EFNA5: variants seen among roughly 807,000 people sequenced by gnomAD.
The protein encoded by EFNA5 is ephrin A5.
EFNA5 carries 5 observed loss-of-function variants against 22.9 expected under a neutral mutation model. The ratio of observed to expected loss-of-function variants is 0.22; its 90% CI spans 0.11 to 0.46. The LOEUF (loss-of-function observed/expected upper bound fraction) is 0.46, where lower values mean the gene tolerates loss of function less well. EFNA5 is among the 20% of genes least tolerant of loss of function. The pLI, the probability that EFNA5 is intolerant of heterozygous loss-of-function variation, is 0.99. For synonymous variants in EFNA5, 113 were observed against 112.2 expected, an observed-to-expected ratio of 1.01 and a Z score of -0.04; for missense variants, 237 against 293.3, an observed-to-expected ratio of 0.81 and a Z score of 1.40.
intron 1 of EFNA5, among the ~76,000 whole-genome samples, chr5:107,610,222 T>A (rs1425574629): frequency 1.3e-5 from 2 of 152,268 alleles, no homozygotes; most frequent in Non-Finnish European, 2.9e-5. Context: ...GAAATTACAC[T>A]TCTTTACGCA....
chr5:107,453,908 A>G (rs766630016), intron 1 of EFNA5, among the ~76,000 whole-genome samples: 40 of 151,708 alleles, frequency 2.6e-4, no homozygotes, highest in Non-Finnish European at 5.1e-4. Context: ...ATCAGCTCTC[A>G]GCAGCCTGTA....
intron 1 of EFNA5, among the ~76,000 whole-genome samples, chr5:107,661,249 T>C (rs1490115676): frequency 6.6e-6 from 1 of 152,116 alleles, no homozygotes; most frequent in Non-Finnish European, 1.5e-5. Flanking sequence ...TTGAATAAAA[T>C]TATTGGGAGG....
chr5:107,614,416 A>G (rs1408786388), intron 1 of EFNA5, among the ~76,000 whole-genome samples: 4 of 152,206 alleles, frequency 2.6e-5, no homozygotes, highest in African/African-American at 9.6e-5. Context: ...TACCTTATGT[A>G]AAATGTGCAA....
intron 1 of EFNA5, among the ~76,000 whole-genome samples, chr5:107,471,178 C>A (rs1408955857): frequency 6.6e-6 from 1 of 152,146 alleles, no homozygotes; most frequent in Non-Finnish European, 1.5e-5. Context: ...GTCCTTCGCA[C>A]TCCCCATATT....
chr5:107,389,761 CA>C (rs1015762331), intron 2 of EFNA5, among the ~76,000 whole-genome samples: 5 of 152,140 alleles, frequency 3.3e-5, no homozygotes, highest in African/African-American at 1.2e-4. Flanking sequence ...CATGAGCTCT[CA>C]AGGAGGGACA....
intron 1 of EFNA5, among the ~76,000 whole-genome samples, chr5:107,602,259 C>T (rs1234016679): frequency 6.6e-6 from 1 of 152,114 alleles, no homozygotes; most frequent in East Asian, 1.9e-4. Flanking sequence ...CATGGCTTTT[C>T]ATAAAATGTT....
At chr5:107,636,163 T>C (rs1031402628) in intron 1 of EFNA5, among the ~76,000 whole-genome samples, 5 of 152,194 alleles carry the variant, frequency 3.3e-5, no homozygotes, top group African/African-American at 9.6e-5. Context: ...TATATATGTG[T>C]GTGTACATAA....
At chr5:107,637,630 A>G (rs911528782) in intron 1 of EFNA5, among the ~76,000 whole-genome samples, 42 of 150,570 alleles carry the variant, frequency 2.8e-4, no homozygotes, top group African/African-American at 1.0e-3. Flanking sequence ...AAAGATACAT[A>G]TAGTGTATGT....
At chr5:107,431,341 T>A (rs1748952116) in intron 1 of EFNA5, among the ~76,000 whole-genome samples, 4 of 152,216 alleles carry the variant, frequency 2.6e-5, no homozygotes, top group Admixed American at 2.6e-4. Flanking sequence ...AATTGCGGTT[T>A]TTGCCTTAAT....
At chr5:107,551,812 A>G (rs567755195) in intron 1 of EFNA5, among the ~76,000 whole-genome samples, 106 of 152,236 alleles carry the variant, frequency 7.0e-4, no homozygotes, top group South Asian at 4.8e-3. Flanking sequence ...TTCCCTACAA[A>G]ATTTTAATAT....
chr5:107,640,979 G>GGC (rs1750490725), intron 1 of EFNA5, among the ~76,000 whole-genome samples: 7 of 119,256 alleles, frequency 5.9e-5, no homozygotes, highest in South Asian at 2.7e-4. Flanking sequence ...TAGGCAGGTA[G>GGC]ATAGATAGAT....
At chr5:107,427,016 T>G in intron 2 of EFNA5, 1 of 591,178 alleles carries the variant, frequency 1.7e-6, no homozygotes, top group Non-Finnish European at 3.0e-6. Context: ...CGTAATTTCA[T>G]AGGGGGAGAC....
intron 2 of EFNA5, among the ~76,000 whole-genome samples, chr5:107,407,218 G>C (rs1260809530): frequency 1.3e-5 from 2 of 152,112 alleles, no homozygotes; most frequent in Non-Finnish European, 2.9e-5. Context: ...GGTTATTCTT[G>C]GTGACCTTTT....
intron 1 of EFNA5, among the ~76,000 whole-genome samples, chr5:107,508,366 T>C (rs1747294956): frequency 6.6e-6 from 1 of 152,214 alleles, no homozygotes; most frequent in Non-Finnish European, 1.5e-5. Context: ...AGCAGCTCTC[T>C]GGATAATTAT....
chr5:107,467,503 T>C (rs542813578), intron 1 of EFNA5, among the ~76,000 whole-genome samples: 24 of 152,092 alleles, frequency 1.6e-4, no homozygotes, highest in Non-Finnish European at 2.5e-4. Context: ...GGCTATAAAG[T>C]TTCCATGAAA....
At chr5:107,483,780 G>A (rs1750546833) in intron 1 of EFNA5, among the ~76,000 whole-genome samples, 1 of 152,140 alleles carries the variant, frequency 6.6e-6, no homozygotes, top group Non-Finnish European at 1.5e-5. Flanking sequence ...AATGCTATGA[G>A]ATACATTTTG....
intron 1 of EFNA5, among the ~76,000 whole-genome samples, chr5:107,660,382 G>A (rs1750928073): frequency 7.0e-6 from 1 of 142,518 alleles, no homozygotes; most frequent in South Asian, 2.2e-4. Flanking sequence ...ACAAGCATAT[G>A]GTGGGAAAAT....
At chr5:107,570,002 T>C (rs1252127387) in intron 1 of EFNA5, among the ~76,000 whole-genome samples, 4 of 152,146 alleles carry the variant, frequency 2.6e-5, no homozygotes, top group Non-Finnish European at 5.9e-5. Context: ...GCCAGAATTA[T>C]CTGGATTACT....
chr5:107,648,350 A>T (rs539662078), intron 1 of EFNA5, among the ~76,000 whole-genome samples: 11 of 152,312 alleles, frequency 7.2e-5, no homozygotes, highest in Middle Eastern at 3.4e-3. Context: ...TAAAATACTT[A>T]TATTGCATAA....
Sources: allele counts gnomAD v4.1 joint callset (sites outside exome capture counted in the v4.1 genomes callset), GRCh38; gene constraint gnomAD v4.1.1; transcripts MANE v1.5; gene names NCBI Gene and HGNC (gene_info 2026-07-23, HGNC 2026-07-21).